DIP2C: variants seen among roughly 807,000 people sequenced by gnomAD.
The protein encoded by DIP2C is disco-interacting protein 2 homolog C.
DIP2C carries 33 observed loss-of-function variants against 192.4 expected under a neutral mutation model. The ratio of observed to expected loss-of-function variants is 0.17; its 90% CI spans 0.13 to 0.23. The LOEUF (loss-of-function observed/expected upper bound fraction) is 0.23. Among genes scored for constraint, DIP2C ranks in the 10% least tolerant of loss-of-function variants. The pLI, the probability that DIP2C is intolerant of heterozygous loss-of-function variation, is 1.00. For missense variants in DIP2C, 1,537 were observed against 2,110.1 expected (o/e 0.73, Z 5.32); for synonymous variants, 979 against 864.1 (o/e 1.13, Z -2.33).
intron 1 of DIP2C, among the ~76,000 whole-genome samples, chr10:625,226 C>A (rs977658848): frequency 1.3e-5 from 2 of 152,184 alleles, no homozygotes; most frequent in African/African-American, 4.8e-5. Context: ...ATCACGGCCG[C>A]AAGCCTCTGC....
At chr10:373,423 T>C (rs1023964745) in intron 17 of DIP2C, among the ~76,000 whole-genome samples, 1 of 152,176 alleles carries the variant, frequency 6.6e-6, no homozygotes, top group Non-Finnish European at 1.5e-5. Flanking sequence ...AATACATTGA[T>C]TTTTAAAAGA....
At chr10:522,710 T>G (rs1198472361) in intron 1 of DIP2C, among the ~76,000 whole-genome samples, 2 of 152,276 alleles carry the variant, frequency 1.3e-5, no homozygotes, top group Non-Finnish European at 2.9e-5. Flanking sequence ...TTTGGTCCAT[T>G]TTTTCATCAG....
intron 3 of DIP2C, among the ~76,000 whole-genome samples, chr10:469,994 A>T (rs1970499212): frequency 1.3e-5 from 2 of 152,084 alleles, no homozygotes; most frequent in Admixed American, 1.3e-4. Context: ...AGAAAGTGAG[A>T]GGTGGGGAGG....
At chr10:578,556 C>T (rs1393237957) in intron 1 of DIP2C, among the ~76,000 whole-genome samples, 1 of 152,164 alleles carries the variant, frequency 6.6e-6, no homozygotes, top group African/African-American at 2.4e-5. Flanking sequence ...TAAATCATTG[C>T]AAAGCATCTA....
intron 31 of DIP2C, among the ~76,000 whole-genome samples, chr10:318,385 G>A (rs186543129): frequency 3.9e-5 from 6 of 152,302 alleles, no homozygotes; most frequent in East Asian, 1.9e-4. Flanking sequence ...TCTTGCTGTC[G>A]GCAGTGAAGG....
At chr10:414,742 C>CGTGTGTGTGTGTGT (rs1564679999) in intron 7 of DIP2C, among the ~76,000 whole-genome samples, 7 of 112,550 alleles carry the variant, frequency 6.2e-5, no homozygotes, top group Admixed American at 1.9e-4. Flanking sequence ...TGTGTGTGTA[C>CGTGTGTGTGTGTGT]ATATATATAT....
At chr10:357,225 C>CA (rs1244996456) in intron 23 of DIP2C, among the ~76,000 whole-genome samples, 2 of 152,208 alleles carry the variant, frequency 1.3e-5, no homozygotes, top group Non-Finnish European at 2.9e-5. Context: ...ACCGTGGACG[C>CA]ACACGGCACA....
intron 2 of DIP2C, among the ~76,000 whole-genome samples, chr10:485,346 CA>C (rs1843936590): frequency 6.6e-6 from 1 of 152,234 alleles, no homozygotes; most frequent in Non-Finnish European, 1.5e-5. Flanking sequence ...CGCAGGCCAT[CA>C]GGGGATCTAC....
intron 1 of DIP2C, among the ~76,000 whole-genome samples, chr10:552,330 G>T (rs565354234): frequency 6.6e-6 from 1 of 152,162 alleles, no homozygotes; most frequent in Non-Finnish European, 1.5e-5. Flanking sequence ...GGAACAGATC[G>T]GTCTATTTCA....
At chr10:423,317 G>A (rs541135079) in intron 4 of DIP2C, among the ~76,000 whole-genome samples, 1 of 152,176 alleles carries the variant, frequency 6.6e-6, no homozygotes, top group African/African-American at 2.4e-5. Context: ...CAGCAGTTTG[G>A]GAAGAAACCA....
At chr10:624,856 G>C (rs1008693733) in intron 1 of DIP2C, among the ~76,000 whole-genome samples, 1 of 152,126 alleles carries the variant, frequency 6.6e-6, no homozygotes, top group African/African-American at 2.4e-5. Context: ...ACGGAGGTGT[G>C]CATGTGGCCG....
In DIP2C at chr10:546,061, C is replaced by T. The variant is rs1848269985; in HGVS notation, c.86-59531G>A. Among the ~76,000 whole-genome samples, 3 of 152,244 alleles carry T rather than the reference C, an allele frequency of 2.0e-5. No homozygotes were observed. In the South Asian group the frequency reaches 6.2e-4, roughly 32 times the overall value. On this transcript the variant is annotated intron_variant, in intron 1 of 36. Transcript: ENST00000280886. ...CTTTGGGAGGCCAAGGCAGATGGGTCACTTGAAGTCAGGAGTTCCAGACCG... is the reference window on the plus strand; with the variant it reads ...CTTTGGGAGGCCAAGGCAGATGGGTTACTTGAAGTCAGGAGTTCCAGACCG...
chr10:456,489 G>C (rs1402667287), intron 3 of DIP2C, among the ~76,000 whole-genome samples: 1 of 152,194 alleles, frequency 6.6e-6, no homozygotes, highest in Non-Finnish European at 1.5e-5. Context: ...ATGAGTGACT[G>C]AATCAAAGCA....
chr10:461,882 AAAACTGCACAAATACATGG>A (rs1392246634), intron 3 of DIP2C, among the ~76,000 whole-genome samples: 1 of 152,246 alleles, frequency 6.6e-6, no homozygotes, highest in African/African-American at 2.4e-5. Context: ...AAACTCACTC[AAAACTGCACAAATACATGG>A]AAACTGAACA....
At position 281,186 on chromosome 10, in the gene DIP2C, A is replaced by T. The variant is rs765538222; in HGVS notation, c.4418+14T>A. 3.1e-6 allele frequency: 5 copies of T among 1,612,794 alleles called. No homozygotes were observed. In the South Asian group the frequency reaches 5.5e-5, roughly 18 times the overall value. Reference sequence around the variant, plus strand: ...GCTCCTGATTTGGGTACAAGCTGCAAGCTCACGACTTACCATTCCGTAACG... The same window carrying T: ...GCTCCTGATTTGGGTACAAGCTGCATGCTCACGACTTACCATTCCGTAACG... On this transcript the variant is annotated intron_variant, in intron 36 of 36. Transcript: ENST00000280886.
Position 531,390 on chromosome 10 carries a change from G to A in DIP2C, c.86-44860C>T, listed in dbSNP as rs191952815. The stretch of plus-strand genomic sequence containing the variant: ...AGGGGCGTGTGCTTACAGTTCCCCC[G>A]AGACCACATTTCCCAAAGTAGACTG... On this transcript the variant is annotated intron_variant, in intron 1 of 36. Transcript: ENST00000280886. Among the ~76,000 whole-genome samples the A allele has an allele frequency of 2.0e-3, 301 of 151,990 alleles. 1 individual carries two copies. The highest frequency in any genetic ancestry group is 0.01 in the Middle Eastern group (3 of 294).
chr10:349,836 C>A (rs1158028782), intron 24 of DIP2C, among the ~76,000 whole-genome samples: 2 of 152,178 alleles, frequency 1.3e-5, no homozygotes, highest in African/African-American at 4.8e-5. Flanking sequence ...AGTACACCTG[C>A]ACATCGGAAG....
In DIP2C at chr10:409,139, T is replaced by G; in HGVS notation, c.1058-122A>C. Reference sequence around the variant, plus strand: ...CTGCGTATCATGGTCTGCAAGCGACTTGAAGTGGGGGCAGCTGAGCAAAGG... The same window carrying G: ...CTGCGTATCATGGTCTGCAAGCGACGTGAAGTGGGGGCAGCTGAGCAAAGG... On this transcript the variant is annotated intron_variant, in intron 8 of 36. Coordinates refer to ENST00000280886, the MANE Select transcript of DIP2C (RefSeq NM_014974.3). 6 of 889,922 alleles carry G rather than the reference T, an allele frequency of 6.7e-6. No individual in the cohort carries two copies. The South Asian group carries it at 1.2e-4, about 17-fold the overall frequency. 55.1% of individuals were successfully genotyped at this position (889,922 alleles called of 1,614,324 possible). A position where few individuals can be genotyped will look rare whatever the true frequency, so the allele number is the denominator to read the frequency against.
intron 1 of DIP2C, among the ~76,000 whole-genome samples, chr10:610,169 AC>A (rs1165222000): frequency 6.6e-6 from 1 of 152,174 alleles, no homozygotes; most frequent in Non-Finnish European, 1.5e-5. Context: ...GTCATCCACA[AC>A]AGCATGGAGC....
Sources: allele counts gnomAD v4.1 joint callset (sites outside exome capture counted in the v4.1 genomes callset), GRCh38; gene constraint gnomAD v4.1.1; transcripts MANE v1.5; gene names NCBI Gene and HGNC (gene_info 2026-07-23, HGNC 2026-07-21).